Variants in OTUD7A observed in about 807,000 individuals in gnomAD.
OTUD7A encodes OTU deubiquitinase 7A, also known as OTU domain-containing protein 7A.
Under a neutral mutation model 65.7 loss-of-function variants are expected in OTUD7A, and 12 were observed. The ratio of observed to expected loss-of-function variants is 0.18; its 90% confidence interval spans 0.12 to 0.30. The LOEUF is 0.30. OTUD7A is among the 10% of genes least tolerant of loss of function. OTUD7A has a pLI of 1.00. For missense variants in OTUD7A, 1,148 were observed against 1,304.8 expected (o/e 0.88, Z 1.85); for synonymous variants, 641 against 586.3 (o/e 1.09, Z -1.35).
intron 1 of OTUD7A, among the ~76,000 whole-genome samples, chr15:31,861,929 C>CT (rs1897752681): frequency 1.3e-5 from 2 of 152,208 alleles, no homozygotes; most frequent in Non-Finnish European, 2.9e-5. Flanking sequence ...GCAGTCAACA[C>CT]CAATGGCAAG....
chr15:31,809,168 G>A (rs377665039), intron 1 of OTUD7A, among the ~76,000 whole-genome samples: 92 of 152,264 alleles, frequency 6.0e-4, no homozygotes, highest in African/African-American at 2.1e-3. Flanking sequence ...CTCTGCTCTC[G>A]ATTTGCATCC....
chr15:31,865,289 CGTT>C (rs1897849788), intron 1 of OTUD7A, among the ~76,000 whole-genome samples: 1 of 152,164 alleles, frequency 6.6e-6, no homozygotes, highest in Non-Finnish European at 1.5e-5. Context: ...CAATAACACA[CGTT>C]GTCTTGAAAC....
chr15:31,623,368 G>T (rs1595664826), intron 3 of OTUD7A, among the ~76,000 whole-genome samples: 1 of 152,244 alleles, frequency 6.6e-6, no homozygotes, highest in African/African-American at 2.4e-5. Flanking sequence ...CAGAGGTGGA[G>T]TCTACAGAGG....
At chr15:31,619,494 G>T (rs570736818) in intron 3 of OTUD7A, among the ~76,000 whole-genome samples, 1 of 152,056 alleles carries the variant, frequency 6.6e-6, no homozygotes, top group Admixed American at 6.6e-5. Context: ...CACATCCCTT[G>T]TAAGTTGGAT....
At chr15:31,572,017 C>A (rs73372601) in intron 3 of OTUD7A, among the ~76,000 whole-genome samples, 5,084 of 152,228 alleles carry the variant, frequency 0.033, 279 homozygotes, top group African/African-American at 0.12. Flanking sequence ...CTTCTTTTCT[C>A]TTAATTTATA....
intron 1 of OTUD7A, among the ~76,000 whole-genome samples, chr15:31,738,024 T>C (rs1008030874): frequency 1.3e-5 from 2 of 152,228 alleles, no homozygotes; most frequent in African/African-American, 4.8e-5. Flanking sequence ...ATTATTAACA[T>C]TTTTTAGCTT....
intron 1 of OTUD7A, among the ~76,000 whole-genome samples, chr15:31,737,727 C>T (rs1894229894): frequency 6.6e-6 from 1 of 152,194 alleles, no homozygotes; most frequent in Admixed American, 6.5e-5. Flanking sequence ...GCATGCTTCT[C>T]AGCAGGAAAT....
At chr15:31,602,811 T>TAGAC (rs137884399) in intron 3 of OTUD7A, among the ~76,000 whole-genome samples, 47,483 of 148,784 alleles carry the variant, frequency 0.32, 9,355 homozygotes, top group African/African-American at 0.57. Flanking sequence ...ACACCAATAA[T>TAGAC]AGCCAAATCA....
chr15:31,723,356 A>G (rs1372525308), intron 1 of OTUD7A, among the ~76,000 whole-genome samples: 1 of 147,260 alleles, frequency 6.8e-6, no homozygotes, highest in East Asian at 2.0e-4. Flanking sequence ...TTCTGAAAGT[A>G]TATGTACCAC....
At chr15:31,813,092 C>T (rs1324750247) in intron 1 of OTUD7A, among the ~76,000 whole-genome samples, 1 of 152,168 alleles carries the variant, frequency 6.6e-6, no homozygotes, top group East Asian at 1.9e-4. Flanking sequence ...TGTCAAACGC[C>T]GGGGAGCCCG....
chr15:31,743,187 G>C (rs1480235153), intron 1 of OTUD7A, among the ~76,000 whole-genome samples: 1 of 151,922 alleles, frequency 6.6e-6, no homozygotes, highest in African/African-American at 2.4e-5. Context: ...ATATCTTGGT[G>C]AAAAAGCCAT....
chr15:31,771,028 T>A (rs1895221432), intron 1 of OTUD7A, among the ~76,000 whole-genome samples: 1 of 152,218 alleles, frequency 6.6e-6, no homozygotes, highest in South Asian at 2.1e-4. Context: ...CCCCTCATGG[T>A]CCACATTGTA....
rs541868680 is a variant in OTUD7A, at chr15:31,493,699, C to T, written c.1172-6133G>A. Among the ~76,000 whole-genome samples the T allele has an allele frequency of 1.2e-3, 185 of 152,264 alleles. 1 individual carries two copies. The highest frequency in any genetic ancestry group is 2.3e-3 in the Non-Finnish European group (159 of 68,012). ...CATAACTGAAACTATAAACCAGTAA[C>T]GAATATTTGAACAATCCCCCAAAAC... On this transcript the variant is annotated intron_variant, in intron 10 of 12. Coordinates refer to ENST00000307050, the MANE Select transcript of OTUD7A (RefSeq NM_001382637.1).
At chr15:31,675,086 A>G (rs1892566798) in intron 1 of OTUD7A, among the ~76,000 whole-genome samples, 1 of 152,152 alleles carries the variant, frequency 6.6e-6, no homozygotes, top group African/African-American at 2.4e-5. Flanking sequence ...GGTCTGAACT[A>G]GAAAAGAGGC....
chr15:31,654,283 C>A (rs1027025775), intron 3 of OTUD7A, among the ~76,000 whole-genome samples: 1 of 131,410 alleles, frequency 7.6e-6, no homozygotes, highest in African/African-American at 2.9e-5. Flanking sequence ...AATTTAAAAA[C>A]TATGCTTTTG....
At chr15:31,722,131 A>G (rs901511994) in intron 1 of OTUD7A, among the ~76,000 whole-genome samples, 6 of 152,206 alleles carry the variant, frequency 3.9e-5, no homozygotes, top group Non-Finnish European at 8.8e-5. Context: ...TTATTGAGCC[A>G]TGACATACCA....
chr15:31,484,010 CG>C lies in OTUD7A; in HGVS notation c.2085del (p.Ala696ProfsTer291). On this transcript the variant is annotated frameshift_variant, in exon 13 of 13. Coordinates refer to ENST00000307050, the MANE Select transcript of OTUD7A (RefSeq NM_001382637.1). LOFTEE classifies it low-confidence loss of function (END_TRUNC). This position sits in a 1 kb window ranked among gnomAD's most constrained non-coding sequence, Gnocchi z 4.5. ...TAAAAAAAAA[A>X]ATAKRPPRRP... Reference sequence around the variant, plus strand: ...CTGCGCGGCGGCCGCTTGGCCGTGGCGGCGGCGGCGGCGGCGGCAGCGGCGG... The same window carrying C: ...CTGCGCGGCGGCCGCTTGGCCGTGGCGCGGCGGCGGCGGCGGCAGCGGCGG... The C allele has an allele frequency of 1.8e-5, 2 of 112,980 alleles. No homozygotes were observed. Among genetic ancestry groups the C allele is most frequent in the South Asian group, 4.7e-4 (2 of 4,290 alleles). The allele number at this position is 112,980 out of a possible 1,614,324, so 7.0% of individuals were successfully genotyped here.
At chr15:31,834,611 G>A (rs1448807606) in intron 1 of OTUD7A, among the ~76,000 whole-genome samples, 1 of 152,112 alleles carries the variant, frequency 6.6e-6, no homozygotes, top group East Asian at 1.9e-4. Context: ...GTGTCTCAAG[G>A]TGTTGACAGA....
chr15:31,595,458 C>T (rs1595638996), intron 3 of OTUD7A, among the ~76,000 whole-genome samples: 2 of 152,172 alleles, frequency 1.3e-5, no homozygotes, highest in South Asian at 2.1e-4. Flanking sequence ...CAGAGCTGTG[C>T]CCAGCTGGGT....
Sources: allele counts gnomAD v4.1 joint callset (sites outside exome capture counted in the v4.1 genomes callset), GRCh38; gene constraint gnomAD v4.1.1; non-coding constraint Gnocchi (gnomAD v3.1); transcripts MANE v1.5; gene names NCBI Gene and HGNC (gene_info 2026-07-23, HGNC 2026-07-21).